Variants in GABRB2 observed in about 807,000 individuals in gnomAD.
The protein encoded by GABRB2 is gamma-aminobutyric acid receptor subunit beta-2.
In GABRB2, 16 loss-of-function variants were observed where a neutral mutation model predicts 54.7. The ratio of observed to expected loss-of-function variants is 0.29; its 90% CI spans 0.20 to 0.44. The LOEUF (loss-of-function observed/expected upper bound fraction) is 0.44, where lower values mean the gene tolerates loss of function less well. Among genes scored for constraint, GABRB2 ranks in the 20% least tolerant of loss-of-function variants. The pLI, the probability that GABRB2 is intolerant of heterozygous loss-of-function variation, is 1.00. For missense variants in GABRB2, 355 were observed against 644.0 expected (o/e 0.55, Z 4.86); for synonymous variants, 244 against 233.8 (o/e 1.04, Z -0.40).
intron 5 of GABRB2, 75 bp downstream of exon 5, chr5:161,410,900 G>A (rs1561640819): frequency 3.5e-6 from 4 of 1,129,402 alleles, no homozygotes; most frequent in Non-Finnish European, 2.6e-6. Flanking sequence ...GTCTGGACAT[G>A]AGCCAGGACT....
chr5:161,418,366 A>G (rs1756743662), intron 4 of GABRB2, among the ~76,000 whole-genome samples: 2 of 152,194 alleles, frequency 1.3e-5, no homozygotes, highest in Non-Finnish European at 2.9e-5. Context: ...AGAGGTGAGA[A>G]TATACTGTCT....
chr5:161,513,056 GA>G lies in GABRB2; in HGVS notation c.237+32170del, dbSNP rs755660749. On this transcript the variant is annotated intron_variant, in intron 3 of 9. Transcript: ENST00000393959. ...TTATTGCAAAGATAAAAAGAAAAAAGAAAAAAAAAAACAAAAAAACAAGAGA... is the reference window on the plus strand; with the variant it reads ...TTATTGCAAAGATAAAAAGAAAAAAGAAAAAAAAAACAAAAAAACAAGAGA... Among the ~76,000 whole-genome samples the G allele has an allele frequency of 4.7e-3, 637 of 135,964 alleles. 3 individuals carry two copies. Among genetic ancestry groups the G allele is most frequent in the African/African-American group, 0.013 (475 of 37,252 alleles). 89.2% of individuals were successfully genotyped at this position (135,964 alleles called of 152,430 possible). A position where few individuals can be genotyped will look rare whatever the true frequency, so the allele number is the denominator to read the frequency against.
At chr5:161,478,975 A>G in intron 3 of GABRB2, among the ~76,000 whole-genome samples, 1 of 152,090 alleles carries the variant, frequency 6.6e-6, no homozygotes, top group East Asian at 1.9e-4. Flanking sequence ...AAGAAAGGAC[A>G]TTTTAAAATA....
chr5:161,421,416 G>C (rs1036456584), intron 4 of GABRB2, among the ~76,000 whole-genome samples: 1 of 152,114 alleles, frequency 6.6e-6, no homozygotes, highest in African/African-American at 2.4e-5. Flanking sequence ...ACACCTTCCT[G>C]GGACACGCAG....
intron 5 of GABRB2, among the ~76,000 whole-genome samples, chr5:161,344,520 TA>T (rs949663848): frequency 6.7e-5 from 10 of 149,424 alleles, no homozygotes; most frequent in East Asian, 2.0e-4. Flanking sequence ...TTTGTTTTTT[TA>T]AAAAAAAAAG....
chr5:161,442,904 A>T (rs1415797118), intron 4 of GABRB2, among the ~76,000 whole-genome samples: 1 of 152,146 alleles, frequency 6.6e-6, no homozygotes, highest in Non-Finnish European at 1.5e-5. Flanking sequence ...CCTTTACCAC[A>T]GAGCAGTGGG....
At chr5:161,500,223 A>C (rs1290083105) in intron 3 of GABRB2, among the ~76,000 whole-genome samples, 1 of 152,186 alleles carries the variant, frequency 6.6e-6, no homozygotes, top group Non-Finnish European at 1.5e-5. Context: ...GTCCTTAATT[A>C]AGTAAACTAA....
chr5:161,320,512 TA>T (rs1203904457), intron 9 of GABRB2, among the ~76,000 whole-genome samples: 2 of 151,868 alleles, frequency 1.3e-5, no homozygotes, highest in African/African-American at 4.8e-5. Context: ...ATATGATTCA[TA>T]ATGATTATAT....
At chr5:161,494,259 G>A (rs1447891014) in intron 3 of GABRB2, among the ~76,000 whole-genome samples, 3 of 151,720 alleles carry the variant, frequency 2.0e-5, no homozygotes, top group Non-Finnish European at 4.4e-5. Context: ...TATTTAGAAA[G>A]ATACCCAAAA....
intron 9 of GABRB2, among the ~76,000 whole-genome samples, chr5:161,311,951 C>A (rs1188674634): frequency 6.6e-6 from 1 of 152,094 alleles, no homozygotes; most frequent in Non-Finnish European, 1.5e-5. Context: ...ACCTTGGTTA[C>A]CTCTCCAAGT....
At chr5:161,472,731 T>A (rs944609753) in intron 3 of GABRB2, among the ~76,000 whole-genome samples, 1 of 151,900 alleles carries the variant, frequency 6.6e-6, no homozygotes. Flanking sequence ...GGATGTACGG[T>A]GCTACCTGTA....
intron 9 of GABRB2, among the ~76,000 whole-genome samples, chr5:161,324,277 G>T (rs1580979584): frequency 6.6e-6 from 1 of 152,106 alleles, no homozygotes; most frequent in African/African-American, 2.4e-5. Flanking sequence ...GTGTGCAGGT[G>T]ATTTTCACTA....
At chr5:161,420,902 T>A (rs1396216963) in intron 4 of GABRB2, among the ~76,000 whole-genome samples, 1 of 152,152 alleles carries the variant, frequency 6.6e-6, no homozygotes, top group Non-Finnish European at 1.5e-5. Context: ...GGGTCCTTTG[T>A]GTTGGGATTT....
chr5:161,294,390 C>G lies in GABRB2; in HGVS notation c.1230G>C (p.Glu410Asp), dbSNP rs758579755. 2.5e-6 allele frequency: 4 copies of G among 1,613,828 alleles called. No homozygotes were observed. In the African/African-American group the frequency reaches 4.0e-5, roughly 16 times the overall value. The change falls in exon 10 of 10, where the codon GAG (glutamate) becomes GAC (aspartate). Residue 410 changes from glutamate to aspartate, a missense_variant. Coordinates refer to ENST00000393959, the MANE Select transcript of GABRB2 (RefSeq NM_001371727.1). ...CAGATGTGGCCATTTCATTTTTTAT[C>G]TCGAGAGTGCTCAGTAAGATGTTCT... is the stretch of plus-strand genomic sequence containing the variant. ...PHENILLSTL[E>D]IKNEMATSEA...
At chr5:161,463,931 A>G (rs538013397) in intron 3 of GABRB2, among the ~76,000 whole-genome samples, 1 of 152,066 alleles carries the variant, frequency 6.6e-6, no homozygotes, top group Admixed American at 6.6e-5. Flanking sequence ...CATACTTCAC[A>G]TTGTATATAA....
intron 3 of GABRB2, among the ~76,000 whole-genome samples, chr5:161,514,168 T>C (rs1759863960): frequency 6.6e-6 from 1 of 152,160 alleles, no homozygotes; most frequent in Non-Finnish European, 1.5e-5. Flanking sequence ...CTTAAATGGT[T>C]ACAAATGTGT....
At chr5:161,318,834 C>T (rs1758121585) in intron 9 of GABRB2, among the ~76,000 whole-genome samples, 1 of 151,872 alleles carries the variant, frequency 6.6e-6, no homozygotes, top group South Asian at 2.1e-4. Flanking sequence ...ATAAATTTTA[C>T]CTTTAAAAAA....
intron 4 of GABRB2, among the ~76,000 whole-genome samples, chr5:161,458,837 T>C (rs1317712583): frequency 6.6e-6 from 1 of 152,204 alleles, no homozygotes; most frequent in Non-Finnish European, 1.5e-5. Context: ...ATTATCACCA[T>C]TATGAGAAGG....
intron 4 of GABRB2, among the ~76,000 whole-genome samples, chr5:161,447,254 A>G (rs879284577): frequency 3.3e-5 from 5 of 152,042 alleles, no homozygotes; most frequent in African/African-American, 4.8e-5. Flanking sequence ...CACAACCCAT[A>G]CTCTTAACAC....
Sources: allele counts gnomAD v4.1 joint callset (sites outside exome capture counted in the v4.1 genomes callset), GRCh38; gene constraint gnomAD v4.1.1; transcripts MANE v1.5; gene names NCBI Gene and HGNC (gene_info 2026-07-23, HGNC 2026-07-21).